AKAP13: variants seen among roughly 807,000 people sequenced by gnomAD.
The protein encoded by AKAP13 is A-kinase anchoring protein 13.
Under a neutral mutation model 264.5 loss-of-function variants are expected in AKAP13, and 80 were observed. The observed-to-expected ratio is 0.30, with a 90% CI of 0.25 to 0.36. AKAP13 has a LOEUF of 0.36. Ranked by LOEUF, AKAP13 falls within the 10% of genes least tolerant of loss-of-function variation. The probability of loss-of-function intolerance (pLI) is 1.00; values close to 1 mark genes in which losing one functional copy is unlikely to be tolerated. For missense variants in AKAP13, 3,712 were observed against 3,435.2 expected (o/e 1.08, Z -2.01); for synonymous variants, 1,380 against 1,250.2 (o/e 1.10, Z -2.19).
intron 4 of AKAP13, among the ~76,000 whole-genome samples, 165 bp from the exon 5 acceptor site, chr15:85,543,607 G>A (rs1232341457): frequency 1.3e-5 from 2 of 152,196 alleles, no homozygotes; most frequent in Admixed American, 6.5e-5. Flanking sequence ...CTTGAGGGCT[G>A]ATTCTACCTG....
At chr15:85,555,190 C>G (rs1359227355) in intron 5 of AKAP13, among the ~76,000 whole-genome samples, 1 of 152,048 alleles carries the variant, frequency 6.6e-6, no homozygotes. Context: ...TTAGCTACCC[C>G]CCACCCCCTA....
At chr15:85,512,020 T>A (rs911918298) in intron 2 of AKAP13, among the ~76,000 whole-genome samples, 1 of 152,148 alleles carries the variant, frequency 6.6e-6, no homozygotes, top group Non-Finnish European at 1.5e-5. Flanking sequence ...CCCATTTTTC[T>A]TTCAGTATAT....
Position 85,599,410 on chromosome 15 carries a change from C to T in AKAP13, c.4161+13587C>T, listed in dbSNP as rs145944791. On this transcript the variant is annotated intron_variant, in intron 8 of 36. Coordinates refer to ENST00000394518, the MANE Select transcript of AKAP13 (RefSeq NM_007200.5). ...GAATTTGTCATTGGCACATCCCACCCGTCATAGCCCCACAGGTTTCTTTGT... is the reference window on the plus strand; with the variant it reads ...GAATTTGTCATTGGCACATCCCACCTGTCATAGCCCCACAGGTTTCTTTGT... Among the ~76,000 whole-genome samples the T allele has an allele frequency of 1.0e-3, 152 of 152,310 alleles. 2 individuals are homozygous for T. Among genetic ancestry groups the T allele is most frequent in the African/African-American group, 3.5e-3 (145 of 41,564 alleles).
Position 85,740,230 on chromosome 15 carries a change from C to G in AKAP13, c.7566C>G (p.Val2522=). 6.2e-7 allele frequency: 1 copy of G among 1,614,142 alleles called. No individual in the cohort carries two copies. The highest frequency in any genetic ancestry group is 8.5e-7 in the Non-Finnish European group (1 of 1,179,994). Residue 2522 remains valine, a synonymous_variant, in exon 34 of 37, where the codon GTC becomes GTG. Transcript: ENST00000394518. ...FMLKRNSEQV[V]QSVVHLYELL... is the part of the protein sequence containing the mutation. ...TTTTGTTCCTTTGGCAGCAGGTTGT[C>G]CAGAGCGTTGTTCATCTCTACGAGC...
At chr15:85,681,734 T>C (rs950236561) in intron 14 of AKAP13, among the ~76,000 whole-genome samples, 8 of 151,226 alleles carry the variant, frequency 5.3e-5, no homozygotes, top group African/African-American at 9.7e-5. Flanking sequence ...CTAGATCTTA[T>C]AGAAACATAT....
chr15:85,720,218 C>T lies in AKAP13; in HGVS notation c.6252+892C>T, dbSNP rs564046520. ...TCGTGCCACTGTACTCCAGCCTGGG[C>T]GAGAGAGTGAGAGACCCCAGCTCAA... is the stretch of plus-strand genomic sequence containing the variant. On this transcript the variant is annotated intron_variant, in intron 23 of 36. Coordinates refer to ENST00000394518, the MANE Select transcript of AKAP13 (RefSeq NM_007200.5). 3.1e-4 allele frequency among the ~76,000 whole-genome samples: 35 copies of T among 113,124 alleles called. No homozygotes were observed. In the East Asian group the frequency reaches 6.1e-3, roughly 20 times the overall value. 74.2% of individuals were successfully genotyped at this position (113,124 alleles called of 152,430 possible). A position where few individuals can be genotyped will look rare whatever the true frequency, so the allele number is the denominator to read the frequency against.
At chr15:85,410,795 T>C (rs1309783092) in intron 1 of AKAP13, among the ~76,000 whole-genome samples, 1 of 151,666 alleles carries the variant, frequency 6.6e-6, no homozygotes, top group Non-Finnish European at 1.5e-5. Context: ...ATAGAGATCA[T>C]TTTCCGTTCT....
At chr15:85,400,874 A>AT (rs55704204) in intron 1 of AKAP13, among the ~76,000 whole-genome samples, 32 of 120,144 alleles carry the variant, frequency 2.7e-4, no homozygotes, top group East Asian at 1.0e-3. Flanking sequence ...ATATATATAT[A>AT]TTTTTTTTTT....
rs578008804 is a variant in AKAP13, at chr15:85,482,918, T to C, written c.-11-2792T>C. On this transcript the variant is annotated intron_variant, in intron 1 of 36. Coordinates refer to ENST00000394518, the MANE Select transcript of AKAP13 (RefSeq NM_007200.5). ...CAGATACATTCTTTTCAGCAGCCTGTGTTGCCAGCATAACAATGACCTGTC... is the reference window on the plus strand; with the variant it reads ...CAGATACATTCTTTTCAGCAGCCTGCGTTGCCAGCATAACAATGACCTGTC... Among the ~76,000 whole-genome samples the C allele has an allele frequency of 3.0e-4, 46 of 152,338 alleles. 1 individual carries two copies. Among genetic ancestry groups the C allele is most frequent in the East Asian group, 2.5e-3 (13 of 5,192 alleles).
chr15:85,498,274 A>C (rs930443575), intron 2 of AKAP13, among the ~76,000 whole-genome samples: 3 of 150,980 alleles, frequency 2.0e-5, no homozygotes, highest in East Asian at 2.1e-4. Flanking sequence ...AGGTGGTTTT[A>C]AAAAGAGACG....
intron 1 of AKAP13, among the ~76,000 whole-genome samples, chr15:85,444,958 T>C (rs2073848861): frequency 6.6e-6 from 1 of 152,178 alleles, no homozygotes; most frequent in South Asian, 2.1e-4. Context: ...CGGAAAGAAG[T>C]TGCAAAGGGG....
At chr15:85,742,508 C>A (rs1289320656) in intron 35 of AKAP13, among the ~76,000 whole-genome samples, 1 of 152,328 alleles carries the variant, frequency 6.6e-6, no homozygotes, top group South Asian at 2.1e-4. Context: ...GGCCGCCACT[C>A]CTCTCGTGGA....
At chr15:85,531,585 A>G (rs1468493201) in intron 3 of AKAP13, among the ~76,000 whole-genome samples, 2 of 152,200 alleles carry the variant, frequency 1.3e-5, no homozygotes, top group African/African-American at 2.4e-5. Context: ...CTGCCCTTCA[A>G]AGAAATATTG....
rs1182888845 is a variant in AKAP13 at position 85,715,820 on chromosome 15, GTCC to G, written c.5637_5639del (p.Leu1880del). On this transcript the variant is annotated inframe_deletion, in exon 20 of 37. Transcript: ENST00000394518. ...GCCCAAGGAGCGTCCTCGGTCCGCAGTCCTCCTGGTGGATGAAACCGCTACCAC... is the reference window on the plus strand; with the variant it reads ...GCCCAAGGAGCGTCCTCGGTCCGCAGTCCTGGTGGATGAAACCGCTACCAC... 1 of 1,612,848 alleles carries G rather than the reference GTCC, an allele frequency of 6.2e-7. No homozygotes were observed. The highest frequency in any genetic ancestry group is 2.2e-5 in the East Asian group (1 of 44,784).
chr15:85,513,004 C>T (rs2076491909), intron 2 of AKAP13, among the ~76,000 whole-genome samples: 1 of 151,930 alleles, frequency 6.6e-6, no homozygotes, highest in Non-Finnish European at 1.5e-5. Flanking sequence ...CTACAGGCAC[C>T]CACCACCATG....
At chr15:85,499,270 G>C (rs1393610922) in intron 2 of AKAP13, among the ~76,000 whole-genome samples, 2 of 152,106 alleles carry the variant, frequency 1.3e-5, no homozygotes. Flanking sequence ...GGATAATTAA[G>C]GGAATTAGCA....
At chr15:85,625,955 A>T (rs1276982355) in intron 8 of AKAP13, among the ~76,000 whole-genome samples, 1 of 152,256 alleles carries the variant, frequency 6.6e-6, no homozygotes. Context: ...TCAACTTTAC[A>T]TCTCTTAAGC....
At chr15:85,447,937 G>C (rs1051345400) in intron 1 of AKAP13, among the ~76,000 whole-genome samples, 1 of 152,122 alleles carries the variant, frequency 6.6e-6, no homozygotes, top group Non-Finnish European at 1.5e-5. Context: ...GCTCTTTGAG[G>C]AATCGCTATA....
At chr15:85,528,729 C>T (rs2077160547) in intron 3 of AKAP13, among the ~76,000 whole-genome samples, 1 of 151,948 alleles carries the variant, frequency 6.6e-6, no homozygotes, top group South Asian at 2.1e-4. Context: ...CTTCTCCCAC[C>T]CCATAATTTA....
Sources: allele counts gnomAD v4.1 joint callset (sites outside exome capture counted in the v4.1 genomes callset), GRCh38; gene constraint gnomAD v4.1.1; transcripts MANE v1.5; gene names NCBI Gene and HGNC (gene_info 2026-07-23, HGNC 2026-07-21).